The following DIP2A variants were observed in gnomAD, a reference collection of about 807,000 sequenced individuals.
The protein encoded by DIP2A is DIP2 acetate--CoA ligase A.
Under a neutral mutation model 177.4 loss-of-function variants are expected in DIP2A, and 85 were observed. That is an observed-to-expected ratio of 0.48 (90% CI 0.40 to 0.57). DIP2A has a LOEUF of 0.57. Ranked by LOEUF, DIP2A falls within the 20% of genes least tolerant of loss-of-function variation. The pLI, the probability that DIP2A is intolerant of heterozygous loss-of-function variation, is 0.00. For synonymous variants in DIP2A, 886 were observed against 881.8 expected, an observed-to-expected ratio of 1.00 and a Z score of -0.08; for missense variants, 1,791 against 2,100.2, an observed-to-expected ratio of 0.85 and a Z score of 2.88.
At chr21:46,465,997 C>G (rs1343124982) in intron 1 of DIP2A, among the ~76,000 whole-genome samples, 1 of 152,092 alleles carries the variant, frequency 6.6e-6, no homozygotes, top group Non-Finnish European at 1.5e-5. Context: ...GAGGAAATAA[C>G]TGACAATTTA....
chr21:46,543,810 G>A (rs965623972), intron 18 of DIP2A, among the ~76,000 whole-genome samples: 1 of 152,150 alleles, frequency 6.6e-6, no homozygotes, highest in African/African-American at 2.4e-5. Flanking sequence ...TGGCCACCTG[G>A]AAGCACAGAC....
At chr21:46,552,000 T>C in intron 25 of DIP2A, 96 bp downstream of exon 25, 1 of 1,394,796 alleles carries the variant, frequency 7.2e-7, no homozygotes, top group Admixed American at 2.0e-5. Context: ...CTGGTTGTTC[T>C]CATGTTTAGA....
At chr21:46,561,992 T>A (rs898448423) in intron 34 of DIP2A, 187 bp downstream of exon 34, 1 of 908,548 alleles carries the variant, frequency 1.1e-6, no homozygotes. Flanking sequence ...TACTTAGTTA[T>A]GTTTTTAAAC....
chr21:46,570,421 AT>A (rs1316962420), downstream of DIP2A, among the ~76,000 whole-genome samples: 2 of 152,156 alleles, frequency 1.3e-5, no homozygotes, highest in Non-Finnish European at 2.9e-5. Context: ...TTTAGTTCTT[AT>A]CTGATGTATT....
rs187820612 is a variant in DIP2A, at chr21:46,493,476, C to T, written c.283+2757C>T. ...TAAGTCCTTGTGTGGAAATGCTTTT[C>T]GAACCTTGTATGTCTGATAATATTT... is the stretch of plus-strand genomic sequence containing the variant. On this transcript the variant is annotated intron_variant, in intron 3 of 37. Coordinates refer to ENST00000417564, the MANE Select transcript of DIP2A (RefSeq NM_015151.4). 1.6e-4 allele frequency among the ~76,000 whole-genome samples: 25 copies of T among 152,158 alleles called. No homozygotes were observed. In the East Asian group the frequency reaches 4.6e-3, roughly 28 times the overall value.
chr21:46,510,756 G>T (rs577426064), intron 7 of DIP2A, among the ~76,000 whole-genome samples: 1 of 149,322 alleles, frequency 6.7e-6, no homozygotes. Context: ...TCAGCCTCCC[G>T]AGTAGCTGGT....
In DIP2A at chr21:46,556,143, G is replaced by T; in HGVS notation, c.3498+52G>T. On this transcript the variant is annotated intron_variant, in intron 29 of 37. Transcript: ENST00000417564. The surrounding 1 kb of genome is among the most constrained non-coding windows in gnomAD (Gnocchi z 4.5). ...TCAGCCCCTAGAAATCAGGAGGAGT[G>T]GACAGAAAGGATGTCAGATGCAGAT... 1 of 1,515,238 alleles carries T rather than the reference G, an allele frequency of 6.6e-7. No homozygotes were observed. The allele number at this position is 1,515,238 out of a possible 1,614,324, so 93.9% of individuals were successfully genotyped here. A position where few individuals can be genotyped will look rare whatever the true frequency, so the allele number is the denominator to read the frequency against.
chr21:46,536,630 G>A (rs1253380287), intron 13 of DIP2A, among the ~76,000 whole-genome samples: 1 of 152,192 alleles, frequency 6.6e-6, no homozygotes, highest in Non-Finnish European at 1.5e-5. Flanking sequence ...GAGGCCGAGT[G>A]CGGTGACTTA....
chr21:46,508,278 G>A (rs1007011020), intron 6 of DIP2A, among the ~76,000 whole-genome samples: 2 of 151,078 alleles, frequency 1.3e-5, no homozygotes, highest in Non-Finnish European at 2.9e-5. Flanking sequence ...CTGGCCTCAA[G>A]CGATCCTCTC....
At chr21:46,555,253 G>T (rs998044351) in intron 28 of DIP2A, among the ~76,000 whole-genome samples, 1 of 152,234 alleles carries the variant, frequency 6.6e-6, no homozygotes, top group Admixed American at 6.5e-5. Context: ...TGAGGACACA[G>T]CTCCCACCGC....
At chr21:46,518,305 C>T (rs1325253296) in intron 8 of DIP2A, among the ~76,000 whole-genome samples, 1 of 152,098 alleles carries the variant, frequency 6.6e-6, no homozygotes, top group African/African-American at 2.4e-5. Flanking sequence ...TTATGGGCAC[C>T]TTCACATTGC....
intron 5 of DIP2A, among the ~76,000 whole-genome samples, chr21:46,503,325 CAAAA>C (rs66982574): frequency 3.0e-5 from 3 of 101,376 alleles, no homozygotes; most frequent in South Asian, 3.5e-4. Context: ...GACTCCATCT[CAAAA>C]AAAAAAAAAA....
intron 1 of DIP2A, among the ~76,000 whole-genome samples, chr21:46,469,541 A>G: frequency 6.6e-6 from 1 of 152,168 alleles, no homozygotes; most frequent in Non-Finnish European, 1.5e-5. Context: ...CTAATCTAAT[A>G]GTTTGTTTGG....
intron 3 of DIP2A, among the ~76,000 whole-genome samples, chr21:46,493,058 C>T (rs981975519): frequency 6.6e-6 from 1 of 152,154 alleles, no homozygotes; most frequent in Non-Finnish European, 1.5e-5. Context: ...CCTCACCGGA[C>T]ACCAACCATG....
rs781216918 is a variant in DIP2A at position 46,546,900 on chromosome 21, C to A, written c.2395-15C>A. 6.2e-7 allele frequency: 1 copy of A among 1,613,390 alleles called. No individual in the cohort carries two copies. Among genetic ancestry groups the A allele is most frequent in the Admixed American group, 1.7e-5 (1 of 59,968 alleles). On this transcript the variant is annotated splice_polypyrimidine_tract_variant and intron_variant, in intron 20 of 37. Coordinates refer to ENST00000417564, the MANE Select transcript of DIP2A (RefSeq NM_015151.4). ...CCCGTGTGGGTGGAGTCTTGACGCA[C>A]ACCCTTTCCCTCAGGACAACCTGGT... is the stretch of plus-strand genomic sequence containing the variant.
intron 3 of DIP2A, among the ~76,000 whole-genome samples, chr21:46,495,105 C>A (rs1474786255): frequency 6.6e-6 from 1 of 152,154 alleles, no homozygotes; most frequent in African/African-American, 2.4e-5. Context: ...AGATTCAGAA[C>A]TGCAGGGTCT....
At chr21:46,470,555 G>A (rs2055272638) in intron 1 of DIP2A, among the ~76,000 whole-genome samples, 1 of 151,842 alleles carries the variant, frequency 6.6e-6, no homozygotes, top group African/African-American at 2.4e-5. Context: ...GGCGGATCAC[G>A]AAGTCAGGAG....
chr21:46,463,240 A>G (rs2054479538), intron 1 of DIP2A: 1 of 152,234 alleles, frequency 6.6e-6, no homozygotes, highest in South Asian at 2.1e-4. Flanking sequence ...TATAACCTTG[A>G]TATTTAAAAA....
chr21:46,508,697 C>A (rs1220145743), intron 6 of DIP2A, among the ~76,000 whole-genome samples: 3 of 151,872 alleles, frequency 2.0e-5, no homozygotes, highest in Admixed American at 6.6e-5. Flanking sequence ...CTGAAAGGGA[C>A]TTGGATGCCC....
Sources: gnomAD v4.1 joint callset for allele counts (sites outside exome capture counted in the v4.1 genomes callset) on GRCh38, gnomAD v4.1.1 for gene constraint, Gnocchi (gnomAD v3.1) non-coding constraint, MANE v1.5 for transcripts, NCBI Gene and HGNC (gene_info 2026-07-23, HGNC 2026-07-21) for gene names.